The following OPA3 variants were observed in gnomAD, a reference collection of about 807,000 sequenced individuals.
OPA3 encodes outer mitochondrial membrane lipid metabolism regulator OPA3.
A neutral mutation model predicts 4.0 loss-of-function variants in OPA3; 6 were observed. The observed-to-expected ratio is 1.51, with a 90% CI of 0.83 to 2.99. The LOEUF is 2.99. Ranked by LOEUF, OPA3 falls within the 30% of genes most tolerant of loss-of-function variation. The pLI, the probability that OPA3 is intolerant of heterozygous loss-of-function variation, is 0.00. For synonymous variants in OPA3, 105 were observed against 117.1 expected (o/e 0.90, Z 0.67); for missense variants, 235 against 256.2 (o/e 0.92, Z 0.56).
rs367895706 is a variant in OPA3, at chr19:45,548,206, A to G, written c.*5308T>C. The G allele has an allele frequency of 3.7e-5, 36 of 986,072 alleles. No individual in the cohort carries two copies. The East Asian group carries it at 2.0e-3, about 56-fold the overall frequency. The allele number at this position is 986,072 out of a possible 1,614,324, so 61.1% of individuals were successfully genotyped here. A position where few individuals can be genotyped will look rare whatever the true frequency, so the allele number is the denominator to read the frequency against. On this transcript the variant is annotated 3_prime_UTR_variant, in exon 2 of 2. Transcript: ENST00000263275. ...ACTGGGGGACCCAAGCCTGCCACTC[A>G]GCAACACAGCGACCAGCCCAGGAGT...
At position 45,553,438 on chromosome 19, in the gene OPA3, G is replaced by C; in HGVS notation, c.*76C>G. 6.2e-7 allele frequency: 1 copy of C among 1,602,862 alleles called. No homozygotes were observed. The highest frequency in any genetic ancestry group is 8.5e-7 in the Non-Finnish European group (1 of 1,179,650). On this transcript the variant is annotated 3_prime_UTR_variant, in exon 2 of 2. Coordinates refer to ENST00000263275, the MANE Select transcript of OPA3 (RefSeq NM_025136.4). Reference sequence around the variant, plus strand: ...TGGTGGTTTCCACTGGGCCAGCGCAGGCAAGGGTGGTGCGGGAAGAAGGCC... The same window carrying C: ...TGGTGGTTTCCACTGGGCCAGCGCACGCAAGGGTGGTGCGGGAAGAAGGCC...
intron 1 of OPA3, among the ~76,000 whole-genome samples, chr19:45,537,662 C>T (rs1410477992): frequency 1.3e-5 from 2 of 151,590 alleles, no homozygotes; most frequent in East Asian, 2.0e-4. Context: ...GATGGAGTTT[C>T]GCTCTTGTTG....
chr19:45,534,686 G>A (rs1442372030), intron 1 of OPA3, among the ~76,000 whole-genome samples: 2 of 151,072 alleles, frequency 1.3e-5, no homozygotes, highest in Non-Finnish European at 2.9e-5. Context: ...AGGCTGGAGT[G>A]CAGTGGCGTG....
intron 1 of OPA3, among the ~76,000 whole-genome samples, chr19:45,574,528 C>T (rs947176230): frequency 2.6e-5 from 4 of 152,164 alleles, no homozygotes; most frequent in African/African-American, 7.2e-5. Context: ...TCACAAGAAT[C>T]CTGGGAGATA....
At chr19:45,532,941 G>A (rs994100231) in intron 1 of OPA3, among the ~76,000 whole-genome samples, 2 of 152,026 alleles carry the variant, frequency 1.3e-5, no homozygotes, top group Non-Finnish European at 2.9e-5. Flanking sequence ...CCCCAGGCTG[G>A]AGTGCGATGA....
intron 1 of OPA3, among the ~76,000 whole-genome samples, chr19:45,561,015 G>C (rs1969493526): frequency 6.6e-6 from 1 of 152,144 alleles, no homozygotes; most frequent in Non-Finnish European, 1.5e-5. Flanking sequence ...TCCGTGGTGG[G>C]GGACCGGGGC....
rs1178598021 is a variant in OPA3 at position 45,538,100 on chromosome 19, CA to C, written c.143-8645del. ...TGGAGGACAGAGCTAGGCTCCATAT[CA>C]AAAAAAAAAAAAAAAATGCCACCTG... On this transcript the variant is annotated intron_variant, in intron 1 of 1. Transcript: ENST00000323060. 8.3e-3 allele frequency among the ~76,000 whole-genome samples: 318 copies of C among 38,132 alleles called. 1 individual carries two copies. Among genetic ancestry groups the C allele is most frequent in the Non-Finnish European group, 9.3e-3 (176 of 18,930 alleles). The allele number at this position is 38,132 out of a possible 152,430, so 25.0% of individuals were successfully genotyped here. A position where few individuals can be genotyped will look rare whatever the true frequency, so the allele number is the denominator to read the frequency against.
intron 1 of OPA3, among the ~76,000 whole-genome samples, chr19:45,567,434 TA>T (rs1969600179): frequency 2.0e-5 from 3 of 151,074 alleles, no homozygotes; most frequent in Non-Finnish European, 4.4e-5. Flanking sequence ...AAGCTAAACA[TA>T]AATTTCATAG....
chr19:45,558,511 G>A (rs895467958), intron 1 of OPA3, among the ~76,000 whole-genome samples: 1 of 152,018 alleles, frequency 6.6e-6, no homozygotes, highest in Non-Finnish European at 1.5e-5. Flanking sequence ...TTCCCCTAGC[G>A]CCATCTCCTG....
chr19:45,577,182 C>T (rs1313190418), intron 1 of OPA3, among the ~76,000 whole-genome samples: 1 of 152,226 alleles, frequency 6.6e-6, no homozygotes, highest in Non-Finnish European at 1.5e-5. Context: ...CAACAGGGTG[C>T]ATCATCGATG....
At chr19:45,542,370 T>C (rs12971754), downstream of OPA3, among the ~76,000 whole-genome samples, 53,129 of 152,106 alleles carry the variant, frequency 0.35, 10,531 homozygotes, top group Middle Eastern at 0.52. Flanking sequence ...GATTTTGTCA[T>C]TGTGCAAACA....
At chr19:45,565,760 T>C (rs937965412) in intron 1 of OPA3, among the ~76,000 whole-genome samples, 10 of 151,872 alleles carry the variant, frequency 6.6e-5, no homozygotes, top group Non-Finnish European at 1.2e-4. Flanking sequence ...GCTGGGATTA[T>C]AGCCATGAGC....
At chr19:45,577,566 C>T (rs969518477) in intron 1 of OPA3, among the ~76,000 whole-genome samples, 3 of 152,222 alleles carry the variant, frequency 2.0e-5, no homozygotes, top group Non-Finnish European at 2.9e-5. Context: ...CTCCTCCAGT[C>T]GGCTGTCTCA....
chr19:45,573,673 G>A (rs568859257), intron 1 of OPA3, among the ~76,000 whole-genome samples: 8 of 152,196 alleles, frequency 5.3e-5, no homozygotes, highest in African/African-American at 1.7e-4. Context: ...AGGCCGCGCT[G>A]CAAACAGTAA....
intron 1 of OPA3, among the ~76,000 whole-genome samples, chr19:45,560,569 C>T (rs1969488062): frequency 6.6e-6 from 1 of 152,148 alleles, no homozygotes. Context: ...CTGTGCATTG[C>T]CCCTCCTCCT....
rs1969682484 is a variant in OPA3 at position 45,572,326 on chromosome 19, TATCGATATATATCTC to T, written c.142+12282_142+12296del. 2.2e-5 allele frequency among the ~76,000 whole-genome samples: 3 copies of T among 138,154 alleles called. No individual in the cohort carries two copies. In the South Asian group the frequency reaches 6.6e-4, roughly 30 times the overall value. The allele number at this position is 138,154 out of a possible 152,430, so 90.6% of individuals were successfully genotyped here. A position where few individuals can be genotyped will look rare whatever the true frequency, so the allele number is the denominator to read the frequency against. Reference sequence around the variant, plus strand: ...TATATATCGACATATATGAGATATATATCGATATATATCTCATATATATCGACATATATGAGATAT... The same window carrying T: ...TATATATCGACATATATGAGATATATATATATATCGACATATATGAGATAT... On this transcript the variant is annotated intron_variant, in intron 1 of 1. Transcript: ENST00000263275.
At chr19:45,574,012 A>G (rs1326188739) in intron 1 of OPA3, among the ~76,000 whole-genome samples, 2 of 150,576 alleles carry the variant, frequency 1.3e-5, no homozygotes, top group Non-Finnish European at 3.0e-5. Flanking sequence ...AAAATACAAA[A>G]ATTAGCTGGG....
chr19:45,540,252 A>G (rs1969168930), intron 1 of OPA3, among the ~76,000 whole-genome samples: 1 of 151,106 alleles, frequency 6.6e-6, no homozygotes, highest in Non-Finnish European at 1.5e-5. Context: ...AGGAGGCAGA[A>G]ATTGCAGTGA....
At chr19:45,542,591 G>A (rs186175225), downstream of OPA3, among the ~76,000 whole-genome samples, 24 of 151,414 alleles carry the variant, frequency 1.6e-4, no homozygotes, top group Non-Finnish European at 2.7e-4. Context: ...ATCATTTTAT[G>A]AGACCACTGT....
Sources: gnomAD v4.1 joint callset for allele counts (sites outside exome capture counted in the v4.1 genomes callset) on GRCh38, gnomAD v4.1.1 for gene constraint, MANE v1.5 for transcripts, NCBI Gene and HGNC (gene_info 2026-07-23, HGNC 2026-07-21) for gene names.